PIK3AP1: variants seen among roughly 807,000 people sequenced by gnomAD.
PIK3AP1 encodes the protein phosphoinositide-3-kinase adaptor protein 1.
In PIK3AP1, 21 loss-of-function variants were observed where a neutral mutation model predicts 88.1. That is an observed-to-expected ratio of 0.24 (90% confidence interval 0.17 to 0.34). PIK3AP1 has a LOEUF of 0.34. Ranked by LOEUF, PIK3AP1 falls within the 10% of genes least tolerant of loss-of-function variation. The probability of loss-of-function intolerance (pLI) is 1.00; values close to 1 mark genes in which losing one functional copy is unlikely to be tolerated. For missense variants in PIK3AP1, 828 were observed against 1,035.7 expected (o/e 0.80, Z 2.75); for synonymous variants, 398 against 400.0 (o/e 1.00, Z 0.06).
intron 2 of PIK3AP1, among the ~76,000 whole-genome samples, chr10:96,668,103 A>C (rs528224090): frequency 6.6e-6 from 1 of 152,328 alleles, no homozygotes; most frequent in African/African-American, 2.4e-5. Flanking sequence ...AAAATTTTGG[A>C]AAGAGTGGTG....
chr10:96,645,712 G>A lies in PIK3AP1; in HGVS notation c.1186-50C>T, dbSNP rs369964614. 2.0e-4 allele frequency: 310 copies of A among 1,516,906 alleles called. No individual in the cohort carries two copies. The Middle Eastern group carries it at 2.7e-3, about 13-fold the overall frequency. The allele number at this position is 1,516,906 out of a possible 1,614,324, so 94.0% of individuals were successfully genotyped here. On this transcript the variant is annotated intron_variant, in intron 7 of 16. Transcript: ENST00000339364. ...GCGCCCTGAGGCAGCCTGACTTTCC[G>A]GGTGGAACTTGGCCCCCGAAGGCAC...
At chr10:96,715,893 GAAA>G (rs754473479) in intron 1 of PIK3AP1, among the ~76,000 whole-genome samples, 2 of 101,388 alleles carry the variant, frequency 2.0e-5, no homozygotes, top group African/African-American at 7.1e-5. Flanking sequence ...CCATTTCAAA[GAAA>G]AAAAAAAAAA....
At chr10:96,604,840 C>A (rs7073017) in intron 14 of PIK3AP1, among the ~76,000 whole-genome samples, 31,461 of 152,066 alleles carry the variant, frequency 0.21, 3,551 homozygotes, top group Admixed American at 0.31. Context: ...AAACAAAATG[C>A]AAAGTACACA....
chr10:96,604,458 A>T (rs1249594061), intron 14 of PIK3AP1, among the ~76,000 whole-genome samples: 2 of 147,042 alleles, frequency 1.4e-5, no homozygotes, highest in Non-Finnish European at 3.0e-5. Context: ...TCAGCCTCTC[A>T]AAGTGCTAGA....
At chr10:96,642,132 T>C (rs1843396797) in intron 8 of PIK3AP1, among the ~76,000 whole-genome samples, 1 of 151,028 alleles carries the variant, frequency 6.6e-6, no homozygotes, top group Non-Finnish European at 1.5e-5. Context: ...ACTGGGGAAA[T>C]GAAAAATGTG....
intron 2 of PIK3AP1, chr10:96,700,853 C>T: frequency 3.0e-6 from 3 of 985,652 alleles, no homozygotes; most frequent in Non-Finnish European, 3.6e-6. Context: ...CCCCTTTGCT[C>T]AGAGGGTCTG....
At chr10:96,644,724 C>A (rs1264278638) in intron 8 of PIK3AP1, among the ~76,000 whole-genome samples, 1 of 152,004 alleles carries the variant, frequency 6.6e-6, no homozygotes, top group East Asian at 1.9e-4. Flanking sequence ...TCAAATTACC[C>A]CTCGCCCCCC....
intron 8 of PIK3AP1, among the ~76,000 whole-genome samples, chr10:96,634,265 G>C (rs988184847): frequency 1.3e-5 from 2 of 152,184 alleles, no homozygotes; most frequent in African/African-American, 2.4e-5. Flanking sequence ...GAGGAGAGAG[G>C]GGGTGGTCTC....
In PIK3AP1 at chr10:96,681,380, T is replaced by G. The variant is rs140633102; in HGVS notation, c.431-24446A>C. ...GACACAATTCATCCCATAACAAATG[T>G]GATGTCTGACTTCTGTGTATGCCTC... On this transcript the variant is annotated intron_variant, in intron 2 of 16. Coordinates refer to ENST00000339364, the MANE Select transcript of PIK3AP1 (RefSeq NM_152309.3). Among the ~76,000 whole-genome samples, 657 of 152,306 alleles carry G rather than the reference T, an allele frequency of 4.3e-3. 7 individuals are homozygous for G. Among genetic ancestry groups the G allele is most frequent in the South Asian group, 0.033 (160 of 4,830 alleles).
intron 14 of PIK3AP1, 66 bp downstream of exon 14, chr10:96,609,646 A>G: frequency 6.5e-7 from 1 of 1,538,398 alleles, no homozygotes; most frequent in Non-Finnish European, 8.8e-7. Context: ...GATGTTTCCT[A>G]AGGTCCAAGG....
At position 96,636,420 on chromosome 10, in the gene PIK3AP1, T is replaced by TAAAACCTGA. The variant is rs550864441; in HGVS notation, c.1376-7928_1376-7927insTCAGGTTTT. Among the ~76,000 whole-genome samples the TAAAACCTGA allele has an allele frequency of 2.3e-3, 344 of 152,318 alleles. 1 individual carries two copies. Among genetic ancestry groups the TAAAACCTGA allele is most frequent in the Non-Finnish European group, 3.6e-3 (246 of 68,034 alleles). Reference sequence around the variant, plus strand: ...AAGGTACCTGGTTACCTGGAGTTAATGAGTGATAAAACCCTCTCAGGCTCT... The same window carrying TAAAACCTGA: ...AAGGTACCTGGTTACCTGGAGTTAATAAAACCTGAGAGTGATAAAACCCTCTCAGGCTCT... On this transcript the variant is annotated intron_variant, in intron 8 of 16. Transcript: ENST00000339364.
intron 2 of PIK3AP1, among the ~76,000 whole-genome samples, chr10:96,670,853 G>A (rs893865819): frequency 9.2e-5 from 14 of 152,142 alleles, no homozygotes; most frequent in African/African-American, 3.1e-4. Flanking sequence ...ACGAGTGCCT[G>A]ACCACCCATC....
At chr10:96,679,773 C>T (rs1410919539) in intron 2 of PIK3AP1, among the ~76,000 whole-genome samples, 2 of 152,208 alleles carry the variant, frequency 1.3e-5, no homozygotes, top group Non-Finnish European at 2.9e-5. Flanking sequence ...CCATCTTCAG[C>T]ACAAATTCTC....
At chr10:96,641,001 T>C (rs895475920) in intron 8 of PIK3AP1, among the ~76,000 whole-genome samples, 38 of 151,822 alleles carry the variant, frequency 2.5e-4, no homozygotes, top group African/African-American at 8.2e-4. Flanking sequence ...TTAAGAGAAT[T>C]GGGAGCAAAG....
chr10:96,655,005 T>C (rs1007436985), intron 3 of PIK3AP1, among the ~76,000 whole-genome samples: 3 of 152,174 alleles, frequency 2.0e-5, no homozygotes, highest in Non-Finnish European at 2.9e-5. Flanking sequence ...TATGACCAGA[T>C]TCTGATTCAA....
chr10:96,639,785 C>T (rs1333441269), intron 8 of PIK3AP1, among the ~76,000 whole-genome samples: 1 of 152,190 alleles, frequency 6.6e-6, no homozygotes, highest in Admixed American at 6.5e-5. Context: ...TCAGCAGTCA[C>T]AGGGAGGGAG....
chr10:96,632,407 ATTTTT>A (rs35406169), intron 8 of PIK3AP1, among the ~76,000 whole-genome samples: 1 of 146,170 alleles, frequency 6.8e-6, no homozygotes, highest in African/African-American at 2.5e-5. Context: ...TTTCAAAATA[ATTTTT>A]TTTTTTTTTT....
rs369291853 is a variant in PIK3AP1 at position 96,620,339 on chromosome 10, C to T, written c.1941+13G>A. 3.3e-5 allele frequency: 53 copies of T among 1,612,844 alleles called. No homozygotes were observed. Among genetic ancestry groups the T allele is most frequent in the African/African-American group, 1.7e-4 (13 of 74,888 alleles). The stretch of plus-strand genomic sequence containing the variant: ...AAATAGACATGAAACAAATTCCATA[C>T]GAAGCTAGTTACCTGCTGGAAACGA... On this transcript the variant is annotated intron_variant, in intron 12 of 16. Coordinates refer to ENST00000339364, the MANE Select transcript of PIK3AP1 (RefSeq NM_152309.3).
At chr10:96,663,534 G>A (rs1005892525) in intron 2 of PIK3AP1, among the ~76,000 whole-genome samples, 2 of 149,004 alleles carry the variant, frequency 1.3e-5, no homozygotes, top group Admixed American at 6.8e-5. Flanking sequence ...GGAGGCTGAG[G>A]CAGGAGAATC....
Sources: gnomAD v4.1 joint callset for allele counts (sites outside exome capture counted in the v4.1 genomes callset) on GRCh38, gnomAD v4.1.1 for gene constraint, MANE v1.5 for transcripts, NCBI Gene and HGNC (gene_info 2026-07-23, HGNC 2026-07-21) for gene names.